Variants in LRRC53 observed in about 807,000 individuals in gnomAD.
LRRC53 encodes the protein leucine-rich repeat-containing protein 53.
LRRC53 carries 25 observed loss-of-function variants against 13.6 expected under a neutral mutation model. That is an observed-to-expected ratio of 1.83 (90% CI 1.34 to 2.56). LRRC53 has a LOEUF of 2.56. Ranked by LOEUF, LRRC53 falls within the 30% of genes most tolerant of loss-of-function variation. The probability of loss-of-function intolerance (pLI) is 0.00; values close to 1 mark genes in which losing one functional copy is unlikely to be tolerated. For missense variants in LRRC53, 527 were observed against 275.8 expected (o/e 1.91, Z -6.45); for synonymous variants, 204 against 109.8 (o/e 1.86, Z -5.37).
chr1:74,500,846 T>C (rs1669588670), intron 1 of LRRC53, among the ~76,000 whole-genome samples: 1 of 151,958 alleles, frequency 6.6e-6, no homozygotes, highest in African/African-American at 2.4e-5. Flanking sequence ...ATGAATCTAA[T>C]TGTTATTTCT....
At chr1:74,484,417 T>C (rs1668651726) in intron 1 of LRRC53, among the ~76,000 whole-genome samples, 1 of 152,174 alleles carries the variant, frequency 6.6e-6, no homozygotes, top group Non-Finnish European at 1.5e-5. Flanking sequence ...CCTGCCCTTG[T>C]GAAGTGTACT....
At chr1:74,475,093 G>C (rs1201578446) in intron 4 of LRRC53, among the ~76,000 whole-genome samples, 1 of 141,364 alleles carries the variant, frequency 7.1e-6, no homozygotes, top group African/African-American at 2.7e-5. Context: ...CTAAAAGTAA[G>C]AACACTTCAT....
chr1:74,471,343 G>A lies in LRRC53; in HGVS notation c.2279C>T (p.Ala760Val). The A allele has an allele frequency of 2.5e-6, 1 of 400,666 alleles. No homozygotes were observed. Among genetic ancestry groups the A allele is most frequent in the Non-Finnish European group, 4.4e-6 (1 of 226,172 alleles). The allele number at this position is 400,666 out of a possible 1,614,324, so 24.8% of individuals were successfully genotyped here. ...TGCAGAACACACAGTATTTATTTTG[G>A]CTTCTGTCTCAGAAGTTTTGGATAA... is the stretch of plus-strand genomic sequence containing the variant. ...KKLSKTSETE[A>V]KINTVCSADF... Residue 760 changes from alanine (A) to valine (V), a missense_variant, in exon 5 of 5, where the codon GCC (alanine) becomes GTC (valine). Transcript: ENST00000294635.
chr1:74,475,266 T>G, intron 4 of LRRC53, 29 bp downstream of exon 4: 1 of 614,402 alleles, frequency 1.6e-6, no homozygotes, highest in Non-Finnish European at 3.0e-6. Flanking sequence ...TTAAACGGAG[T>G]GGGATTTTCT....
chr1:74,533,828 C>T, the LRRC53 span, among the ~76,000 whole-genome samples: 11 of 152,096 alleles, frequency 7.2e-5, no homozygotes, highest in Admixed American at 2.0e-4. Context: ...AACCAAACAC[C>T]GCATGTTCTC....
intron 1 of LRRC53, among the ~76,000 whole-genome samples, chr1:74,486,702 T>A (rs1269744510): frequency 6.6e-6 from 1 of 151,646 alleles, no homozygotes; most frequent in Non-Finnish European, 1.5e-5. Context: ...TTTTAAAGGG[T>A]AAAGAGACTC....
intron 1 of LRRC53, among the ~76,000 whole-genome samples, chr1:74,491,847 G>T (rs1302501421): frequency 1.3e-5 from 2 of 152,162 alleles, no homozygotes; most frequent in Non-Finnish European, 2.9e-5. Context: ...TGGGCCTACT[G>T]TGTTTTTAGA....
chr1:74,473,038 A>G (rs1668013677), intron 4 of LRRC53, among the ~76,000 whole-genome samples: 1 of 152,120 alleles, frequency 6.6e-6, no homozygotes, highest in African/African-American at 2.4e-5. Flanking sequence ...GAAGAAGGAA[A>G]CTTGTACTGG....
At chr1:74,481,001 G>T (rs866736756) in intron 2 of LRRC53, 33 bp from the exon 3 acceptor site, 1 of 673,820 alleles carries the variant, frequency 1.5e-6, no homozygotes, top group East Asian at 2.7e-5. Context: ...TAGATGCAGG[G>T]TACACATGAG....
Position 74,475,419 on chromosome 1 carries a change from C to T in LRRC53, c.1296G>A (p.Met432Ile), listed in dbSNP as rs1419547323. ...HSECSEPPGN[M>I]RAFNEAGLLT... is the part of the protein sequence containing the mutation. ...GTAAGCCTGCTTCATTAAAAGCTCTCATATTTCCAGGAGGCTCTGAACATT... is the reference window on the plus strand; with the variant it reads ...GTAAGCCTGCTTCATTAAAAGCTCTTATATTTCCAGGAGGCTCTGAACATT... The change falls in exon 4 of 5, where the codon ATG (methionine) becomes ATA (isoleucine). Residue 432 changes from methionine (M) to isoleucine (I), a missense_variant. Met to Ile is a conservative substitution (Grantham distance 10). Coordinates refer to ENST00000294635, the MANE Select transcript of LRRC53 (RefSeq NM_001382280.1). 5.6e-6 allele frequency: 4 copies of T among 717,050 alleles called. No homozygotes were observed. In the East Asian group the frequency reaches 8.0e-5, roughly 14 times the overall value. The allele number at this position is 717,050 out of a possible 1,614,324, so 44.4% of individuals were successfully genotyped here.
intron 1 of LRRC53, among the ~76,000 whole-genome samples, chr1:74,486,984 G>T (rs552277016): frequency 1.2e-4 from 19 of 152,226 alleles, no homozygotes; most frequent in Non-Finnish European, 2.4e-4. Context: ...AGTGTTGTAG[G>T]AGAAAGCTTG....
intron 1 of LRRC53, among the ~76,000 whole-genome samples, chr1:74,486,902 A>G (rs562234229): frequency 2.0e-5 from 3 of 152,292 alleles, no homozygotes; most frequent in African/African-American, 7.2e-5. Context: ...ATGCCAAGTG[A>G]AATGACCACT....
In LRRC53 at chr1:74,483,383, GAAAGT is replaced by G. The variant is rs1369044013; in HGVS notation, c.-26-13_-26-9del. The G allele has an allele frequency of 2.8e-6, 2 of 716,954 alleles. No homozygotes were observed. Among genetic ancestry groups the G allele is most frequent in the Admixed American group, 4.0e-5 (2 of 49,988 alleles). The allele number at this position is 716,954 out of a possible 1,614,324, so 44.4% of individuals were successfully genotyped here. ...AGAGTACCAGCCATCCACCTGAAAGGAAAGTAGAGGGCAATGTATATCATAATGTT... is the reference window on the plus strand; with the variant it reads ...AGAGTACCAGCCATCCACCTGAAAGGAGAGGGCAATGTATATCATAATGTT... On this transcript the variant is annotated splice_polypyrimidine_tract_variant and intron_variant, in intron 1 of 4. Transcript: ENST00000294635.
chr1:74,508,603 A>G (rs1477642527), intron 1 of LRRC53, among the ~76,000 whole-genome samples: 1 of 152,220 alleles, frequency 6.6e-6, no homozygotes, highest in Non-Finnish European at 1.5e-5. Context: ...GAGGATAAGT[A>G]GCGAATCAGT....
intron 1 of LRRC53, among the ~76,000 whole-genome samples, chr1:74,503,423 A>ATTAGTAT (rs1416841425): frequency 1.3e-5 from 2 of 152,232 alleles, no homozygotes; most frequent in Non-Finnish European, 2.9e-5. Context: ...GCTTATTGGA[A>ATTAGTAT]CATTATATTA....
intron 1 of LRRC53, among the ~76,000 whole-genome samples, chr1:74,504,046 C>T (rs1215937096): frequency 6.6e-6 from 1 of 152,220 alleles, no homozygotes; most frequent in Non-Finnish European, 1.5e-5. Flanking sequence ...CATAACACCT[C>T]TTCACCGCAT....
At chr1:74,503,459 T>A (rs1669737245) in intron 1 of LRRC53, among the ~76,000 whole-genome samples, 1 of 152,236 alleles carries the variant, frequency 6.6e-6, no homozygotes, top group Non-Finnish European at 1.5e-5. Context: ...TTCAGCAGTG[T>A]CTTCTGAGCT....
intron 1 of LRRC53, among the ~76,000 whole-genome samples, chr1:74,492,739 A>T (rs1669142505): frequency 6.6e-6 from 1 of 152,242 alleles, no homozygotes; most frequent in African/African-American, 2.4e-5. Flanking sequence ...AGCAATATTT[A>T]TAATAACCAA....
intron 1 of LRRC53, among the ~76,000 whole-genome samples, chr1:74,501,112 G>A (rs563856411): frequency 4.6e-5 from 7 of 151,958 alleles, no homozygotes; most frequent in South Asian, 2.1e-4. Context: ...ATTTTTTAAA[G>A]TTTCTCACTC....
Sources: allele counts gnomAD v4.1 joint callset (sites outside exome capture counted in the v4.1 genomes callset), GRCh38; gene constraint gnomAD v4.1.1; transcripts MANE v1.5; gene names NCBI Gene and HGNC (gene_info 2026-07-23, HGNC 2026-07-21).